ZSCAN21: variants seen among roughly 807,000 people sequenced by gnomAD.
ZSCAN21 encodes zinc finger and SCAN domain containing 21.
ZSCAN21 carries 26 observed loss-of-function variants against 35.6 expected under a neutral mutation model. The ratio of observed to expected loss-of-function variants is 0.73; its 90% CI spans 0.54 to 1.01. The LOEUF (loss-of-function observed/expected upper bound fraction) is 1.01, where lower values mean the gene tolerates loss of function less well. Ranked by LOEUF, ZSCAN21 falls within the 50% of genes least tolerant of loss-of-function variation. The pLI is 0.00. For synonymous variants in ZSCAN21, 219 were observed against 219.3 expected, an observed-to-expected ratio of 1.00 and a Z score of 0.01; for missense variants, 593 against 587.1, an observed-to-expected ratio of 1.01 and a Z score of -0.10.
At chr7:100,059,710 G>A (rs1454092534) in intron 3 of ZSCAN21, among the ~76,000 whole-genome samples, 3 of 151,946 alleles carry the variant, frequency 2.0e-5, no homozygotes, top group East Asian at 3.9e-4. Flanking sequence ...ACACCACCAC[G>A]CCCAGCTCTT....
intron 1 of ZSCAN21, among the ~76,000 whole-genome samples, chr7:100,053,916 C>T (rs1791980301): frequency 6.6e-6 from 1 of 152,044 alleles, no homozygotes; most frequent in African/African-American, 2.4e-5. Context: ...ACCATGTTGG[C>T]CAGGCTGGTC....
intron 3 of ZSCAN21, among the ~76,000 whole-genome samples, chr7:100,060,257 C>T (rs1032292602): frequency 6.6e-5 from 10 of 152,020 alleles, no homozygotes. Context: ...ATAGCTGTTC[C>T]AGAGGAGGCG....
At chr7:100,053,951 G>A (rs1222633611) in intron 1 of ZSCAN21, among the ~76,000 whole-genome samples, 3 of 151,866 alleles carry the variant, frequency 2.0e-5, no homozygotes, top group South Asian at 2.1e-4. Flanking sequence ...CAAGTGATCC[G>A]CCTGCCTTGG....
chr7:100,060,132 A>T (rs1007091884), intron 3 of ZSCAN21, among the ~76,000 whole-genome samples: 1 of 152,270 alleles, frequency 6.6e-6, no homozygotes, highest in African/African-American at 2.4e-5. Context: ...GAAGGACATG[A>T]TTAGCAAACA....
intron 3 of ZSCAN21, among the ~76,000 whole-genome samples, chr7:100,059,352 G>C (rs969679171): frequency 1.3e-5 from 2 of 152,180 alleles, no homozygotes; most frequent in South Asian, 4.1e-4. Flanking sequence ...AAAAATAGCC[G>C]GAGACCTATC....
chr7:100,051,714 T>C (rs1374098245), intron 1 of ZSCAN21: 1 of 152,024 alleles, frequency 6.6e-6, no homozygotes, highest in African/African-American at 2.4e-5. Flanking sequence ...TGTTACAGAA[T>C]GGACTTGGGG....
chr7:100,064,004 C>G lies in ZSCAN21; in HGVS notation c.809C>G (p.Pro270Arg). 3 of 1,614,146 alleles carry G rather than the reference C, an allele frequency of 1.9e-6. No homozygotes were observed. The highest frequency in any genetic ancestry group is 2.5e-6 in the Non-Finnish European group (3 of 1,180,032). The change falls in exon 4 of 4, where the codon CCT (proline) becomes CGT (arginine). Residue 270 changes from proline (P) to arginine (R), a missense_variant. By Grantham distance (103) the Pro-to-Arg change is moderately radical. Coordinates refer to ENST00000292450, the MANE Select transcript of ZSCAN21 (RefSeq NM_145914.3). ...KKGRESVPTK[P>R]TPGERRYICA... ...GGTAGAGAATCAGTTCCTACTAAAC[C>G]TACCCCAGGAGAGAGACGTTATATA...
intron 1 of ZSCAN21, among the ~76,000 whole-genome samples, chr7:100,054,259 T>C (rs185120871): frequency 6.6e-6 from 1 of 151,224 alleles, no homozygotes; most frequent in Non-Finnish European, 1.5e-5. Context: ...TGTTTTTTGT[T>C]TTTTTTTTGC....
At chr7:100,061,027 C>T (rs1049939212) in intron 3 of ZSCAN21, among the ~76,000 whole-genome samples, 2 of 151,782 alleles carry the variant, frequency 1.3e-5, no homozygotes, top group Non-Finnish European at 2.9e-5. Context: ...GATTGCACCA[C>T]TGCACTCCAG....
chr7:100,054,501 C>T (rs1792005053), intron 1 of ZSCAN21, among the ~76,000 whole-genome samples: 1 of 151,950 alleles, frequency 6.6e-6, no homozygotes, highest in Non-Finnish European at 1.5e-5. Flanking sequence ...CCACCTGCCT[C>T]GGTCTCCCAA....
intron 1 of ZSCAN21, among the ~76,000 whole-genome samples, chr7:100,055,383 C>CCTG (rs1792039029): frequency 6.6e-6 from 1 of 151,164 alleles, no homozygotes; most frequent in Non-Finnish European, 1.5e-5. Context: ...TTGTGTGCCT[C>CCTG]AGCCTCCCAA....
rs1046445426 is a variant in ZSCAN21 at position 100,049,843 on chromosome 7, T to C, written c.-97+2T>C. On this transcript the variant is annotated splice_donor_variant, in intron 1 of 3. Transcript: ENST00000292450. LOFTEE classifies it low-confidence loss of function (5UTR_SPLICE). ...TACCCGGAGCGGCTCTGATTCATGG[T>C]GAGCCTGCTGGTCGCGGGTTAGCGA... The C allele has an allele frequency of 2.6e-5, 4 of 152,334 alleles. No individual in the cohort carries two copies. The highest frequency in any genetic ancestry group is 9.6e-5 in the African/African-American group (4 of 41,468). 9.4% of individuals were successfully genotyped at this position (152,334 alleles called of 1,614,324 possible). A position where few individuals can be genotyped will look rare whatever the true frequency, so the allele number is the denominator to read the frequency against.
intron 1 of ZSCAN21, among the ~76,000 whole-genome samples, chr7:100,054,349 A>C (rs1307648090): frequency 6.6e-6 from 1 of 150,870 alleles, no homozygotes; most frequent in African/African-American, 2.4e-5. Flanking sequence ...TCCCACGTTC[A>C]AGCTATTCTC....
At chr7:100,053,519 T>TTACATACATACATACA (rs56855067) in intron 1 of ZSCAN21, among the ~76,000 whole-genome samples, 21,802 of 101,660 alleles carry the variant, frequency 0.21, 2,360 homozygotes, top group Non-Finnish European at 0.24. Context: ...AGGAGGGCTC[T>TTACATACATACATACA]TACATACATA....
Position 100,052,310 on chromosome 7 carries a change from C to G in ZSCAN21, c.-97+2469C>G, listed in dbSNP as rs1049001980. Among the ~76,000 whole-genome samples the G allele has an allele frequency of 2.6e-5, 4 of 151,934 alleles. No homozygotes were observed. In the South Asian group the frequency reaches 8.3e-4, roughly 32 times the overall value. ...CCAGTGAAGTGGTTCACGCCTGTAA[C>G]CCCAGAACTTTGAGAGACCAAGGCA... is the stretch of plus-strand genomic sequence containing the variant. On this transcript the variant is annotated intron_variant, in intron 1 of 3. Coordinates refer to ENST00000292450, the MANE Select transcript of ZSCAN21 (RefSeq NM_145914.3).
At chr7:100,058,178 A>C (rs1208599831) in intron 3 of ZSCAN21, among the ~76,000 whole-genome samples, 2 of 152,200 alleles carry the variant, frequency 1.3e-5, no homozygotes, top group Admixed American at 1.3e-4. Context: ...AGAAACTGTT[A>C]ACAGAGGTGT....
rs1295388935 is a variant in ZSCAN21, at chr7:100,064,169, G to A, written c.974G>A (p.Arg325Lys). Residue 325 changes from arginine (R) to lysine (K), a missense_variant, in exon 4 of 4, where the codon AGA (arginine) becomes AAA (lysine). Coordinates refer to ENST00000292450, the MANE Select transcript of ZSCAN21 (RefSeq NM_145914.3). ...SHSSNLTLHY[R>K]THLVDRPYDC... ...AGCTCAAACCTCACCCTCCACTACAGAACACACTTGGTGGACCGGCCCTAT... is the reference window on the plus strand; with the variant it reads ...AGCTCAAACCTCACCCTCCACTACAAAACACACTTGGTGGACCGGCCCTAT... 1 of 1,614,114 alleles carries A rather than the reference G, an allele frequency of 6.2e-7. No homozygotes were observed. Among genetic ancestry groups the A allele is most frequent in the Admixed American group, 1.7e-5 (1 of 59,996 alleles).
chr7:100,055,117 G>A (rs1236000494), intron 1 of ZSCAN21, among the ~76,000 whole-genome samples: 1 of 151,192 alleles, frequency 6.6e-6, no homozygotes, highest in Non-Finnish European at 1.5e-5. Context: ...CACCACACCC[G>A]CCTAATTTTT....
At chr7:100,062,756 T>C (rs2116155004) in intron 3 of ZSCAN21, among the ~76,000 whole-genome samples, 1 of 152,016 alleles carries the variant, frequency 6.6e-6, no homozygotes, top group South Asian at 2.1e-4. Flanking sequence ...GTGCTTCTAG[T>C]CCCAGCTCTT....
Sources: allele counts gnomAD v4.1 joint callset (sites outside exome capture counted in the v4.1 genomes callset), GRCh38; gene constraint gnomAD v4.1.1; transcripts MANE v1.5; gene names NCBI Gene and HGNC (gene_info 2026-07-23, HGNC 2026-07-21).